The following GSR variants were observed in gnomAD, a reference collection of about 807,000 sequenced individuals.
GSR encodes glutathione-disulfide reductase, also known as glutathione reductase, mitochondrial.
In GSR, 48 loss-of-function variants were observed where a neutral mutation model predicts 56.5. That is an observed-to-expected ratio of 0.85 (90% CI 0.67 to 1.08). GSR has a LOEUF of 1.08. Among genes scored for constraint, GSR ranks in the 50% least tolerant of loss-of-function variants. The pLI is 0.00. For missense variants in GSR, 694 were observed against 703.3 expected, an observed-to-expected ratio of 0.99 and a Z score of 0.15; for synonymous variants, 264 against 270.8, an observed-to-expected ratio of 0.97 and a Z score of 0.25.
chr8:30,696,262 C>T (rs1563532921), intron 7 of GSR, 118 bp downstream of exon 7: 1 of 794,762 alleles, frequency 1.3e-6, no homozygotes, highest in Non-Finnish European at 2.3e-6. Context: ...CCATATGAAA[C>T]CAACCAAATG....
chr8:30,683,549 C>T (rs758515692), intron 10 of GSR, among the ~76,000 whole-genome samples: 29 of 152,144 alleles, frequency 1.9e-4, no homozygotes, highest in African/African-American at 6.5e-4. Flanking sequence ...GTAATCCTAA[C>T]ATTCTGGGAG....
intron 2 of GSR, among the ~76,000 whole-genome samples, chr8:30,710,309 CT>C (rs1428871656): frequency 2.6e-5 from 4 of 151,786 alleles, no homozygotes; most frequent in African/African-American, 9.7e-5. Context: ...GAGTCTCTGT[CT>C]CAAAAGATAA....
chr8:30,711,390 T>C (rs1804137001), intron 2 of GSR, among the ~76,000 whole-genome samples: 1 of 152,214 alleles, frequency 6.6e-6, no homozygotes, highest in South Asian at 2.1e-4. Flanking sequence ...TCATTCAATG[T>C]GACCTGCACC....
chr8:30,688,518 G>C (rs890277556), intron 9 of GSR, among the ~76,000 whole-genome samples: 2 of 140,776 alleles, frequency 1.4e-5, no homozygotes, highest in Non-Finnish European at 3.0e-5. Flanking sequence ...ATTCAAGACT[G>C]CAGTGAGCTA....
chr8:30,724,219 G>GAAAAGA (rs1244011770), intron 1 of GSR, among the ~76,000 whole-genome samples: 2 of 151,968 alleles, frequency 1.3e-5, no homozygotes, highest in South Asian at 2.1e-4. Context: ...AAACTGAAAG[G>GAAAAGA]AAAAGAAAAA....
intron 11 of GSR, 142 bp from the exon 12 acceptor site, chr8:30,681,179 C>A: frequency 1.3e-6 from 1 of 744,924 alleles, no homozygotes; most frequent in Non-Finnish European, 2.4e-6. Flanking sequence ...AAGTATTCTA[C>A]AAAATAAATG....
At chr8:30,680,522 G>A (rs1486627914) in intron 12 of GSR, among the ~76,000 whole-genome samples, 1 of 150,758 alleles carries the variant, frequency 6.6e-6, no homozygotes, top group Non-Finnish European at 1.5e-5. Flanking sequence ...AGCCTCCCGA[G>A]TAGCTGGGAT....
At chr8:30,686,072 G>A (rs1803152322) in intron 9 of GSR, among the ~76,000 whole-genome samples, 1 of 149,388 alleles carries the variant, frequency 6.7e-6, no homozygotes, top group Admixed American at 6.7e-5. Flanking sequence ...CAACTTACCG[G>A]TTATGAGACC....
chr8:30,698,172 A>G (rs1425881179), intron 6 of GSR, among the ~76,000 whole-genome samples: 1 of 152,190 alleles, frequency 6.6e-6, no homozygotes, highest in African/African-American at 2.4e-5. Flanking sequence ...TTGCCCAGTT[A>G]TTACTTATTC....
intron 7 of GSR, among the ~76,000 whole-genome samples, chr8:30,693,344 C>G (rs1803448967): frequency 6.6e-6 from 1 of 152,146 alleles, no homozygotes; most frequent in African/African-American, 2.4e-5. Flanking sequence ...GTCCAGGGAA[C>G]AGAAATTCTC....
intron 6 of GSR, 115 bp downstream of exon 6, chr8:30,699,966 G>T: frequency 2.5e-6 from 2 of 796,192 alleles, no homozygotes. Flanking sequence ...GAAGCTGTAA[G>T]AGGAGGGAAT....
At chr8:30,679,903 C>G (rs577132062) in intron 12 of GSR, among the ~76,000 whole-genome samples, 1 of 151,952 alleles carries the variant, frequency 6.6e-6, no homozygotes, top group African/African-American at 2.4e-5. Context: ...GAGGGTTTCA[C>G]CATGTTGGCC....
rs200135029 is a variant in GSR at position 30,697,420 on chromosome 8, AC to A, written c.696-942del. ...CAGAGCGAGACTCTGTCTCAAAAAA[AC>A]AAAACAAACAAACAAACAAACAAAC... On this transcript the variant is annotated intron_variant, in intron 6 of 12. Coordinates refer to ENST00000221130, the MANE Select transcript of GSR (RefSeq NM_000637.5). 1.7e-4 allele frequency among the ~76,000 whole-genome samples: 17 copies of A among 97,626 alleles called. 1 individual carries two copies. The highest frequency in any genetic ancestry group is 1.1e-3 in the East Asian group (2 of 1,804). The allele number at this position is 97,626 out of a possible 152,430, so 64.0% of individuals were successfully genotyped here. A position where few individuals can be genotyped will look rare whatever the true frequency, so the allele number is the denominator to read the frequency against.
At chr8:30,713,059 C>A (rs185148357) in intron 1 of GSR, among the ~76,000 whole-genome samples, 315 of 149,650 alleles carry the variant, frequency 2.1e-3, no homozygotes, top group Non-Finnish European at 3.7e-3. Context: ...TTTTTTGAGA[C>A]GGAGTCTCGC....
At chr8:30,690,158 A>ATATTTATT (rs372406720) in intron 8 of GSR, among the ~76,000 whole-genome samples, 244 of 138,740 alleles carry the variant, frequency 1.8e-3, no homozygotes, top group Middle Eastern at 3.8e-3. Flanking sequence ...ATAAAATAAT[A>ATATTTATT]TATTTATTTA....
At chr8:30,705,583 T>A (rs554563645) in intron 4 of GSR, among the ~76,000 whole-genome samples, 1 of 151,920 alleles carries the variant, frequency 6.6e-6, no homozygotes, top group African/African-American at 2.4e-5. Flanking sequence ...TTTTTAAAAG[T>A]AGTAGGGTGT....
At chr8:30,701,750 G>A (rs1003151057) in intron 5 of GSR, among the ~76,000 whole-genome samples, 5 of 130,890 alleles carry the variant, frequency 3.8e-5, no homozygotes, top group South Asian at 2.4e-4. Flanking sequence ...TGGAGATTGC[G>A]CCACTGCACT....
At chr8:30,702,153 CT>C (rs1288936663) in intron 5 of GSR, among the ~76,000 whole-genome samples, 1 of 152,012 alleles carries the variant, frequency 6.6e-6, no homozygotes, top group Non-Finnish European at 1.5e-5. Flanking sequence ...GAAACTCTGT[CT>C]CTACTAAAGT....
chr8:30,681,520 G>A (rs1802958612), intron 11 of GSR, among the ~76,000 whole-genome samples: 1 of 151,028 alleles, frequency 6.6e-6, no homozygotes, highest in Non-Finnish European at 1.5e-5. Context: ...GGGAGAGCTT[G>A]TCTCAAAAAG....
Sources: allele counts gnomAD v4.1 joint callset (sites outside exome capture counted in the v4.1 genomes callset), GRCh38; gene constraint gnomAD v4.1.1; transcripts MANE v1.5; gene names NCBI Gene and HGNC (gene_info 2026-07-23, HGNC 2026-07-21).